Variants in ISM1 observed in about 807,000 individuals in gnomAD.
ISM1 encodes the protein isthmin-1.
ISM1 carries 25 observed loss-of-function variants against 46.3 expected under a neutral mutation model. The observed-to-expected ratio is 0.54, with a 90% CI of 0.39 to 0.75. ISM1 has a LOEUF of 0.75. ISM1 is among the 30% of genes least tolerant of loss of function. The pLI is 0.00. For synonymous variants in ISM1, 255 were observed against 256.7 expected, an observed-to-expected ratio of 0.99 and a Z score of 0.06; for missense variants, 536 against 625.4, an observed-to-expected ratio of 0.86 and a Z score of 1.52.
At chr20:13,222,898 C>T (rs539719301) in intron 1 of ISM1, among the ~76,000 whole-genome samples, 1 of 152,188 alleles carries the variant, frequency 6.6e-6, no homozygotes, top group Non-Finnish European at 1.5e-5. Flanking sequence ...CGCGGTGGCT[C>T]ACGCCTGTGA....
intron 1 of ISM1, among the ~76,000 whole-genome samples, chr20:13,224,951 T>G (rs2039499842): frequency 6.6e-6 from 1 of 150,474 alleles, no homozygotes; most frequent in Non-Finnish European, 1.5e-5. Flanking sequence ...GTTCATGCCA[T>G]TCTCCTGCCT....
the ISM1 span, among the ~76,000 whole-genome samples, chr20:13,325,871 G>A: frequency 6.6e-6 from 1 of 151,988 alleles, no homozygotes; most frequent in African/African-American, 2.4e-5. Flanking sequence ...TTTCAAAATG[G>A]AGGTTTCCTT....
Position 13,300,622 on chromosome 20 carries a change from G to A in ISM1, c.*1163G>A, listed in dbSNP as rs1313257341. The stretch of plus-strand genomic sequence containing the variant: ...TACTTTGCAAAATTCTAGTAAAAGA[G>A]AGTATATAATAAAATCATAATAAAA... On this transcript the variant is annotated 3_prime_UTR_variant, in exon 6 of 6. Transcript: ENST00000262487. The A allele has an allele frequency of 6.6e-6, 1 of 152,180 alleles. No homozygotes were observed. Among genetic ancestry groups the A allele is most frequent in the Non-Finnish European group, 1.5e-5 (1 of 68,038 alleles). The allele number at this position is 152,180 out of a possible 1,614,324, so 9.4% of individuals were successfully genotyped here. A position where few individuals can be genotyped will look rare whatever the true frequency, so the allele number is the denominator to read the frequency against.
chr20:13,297,320 C>T (rs770304785), intron 5 of ISM1, among the ~76,000 whole-genome samples: 3 of 152,180 alleles, frequency 2.0e-5, no homozygotes, highest in African/African-American at 4.8e-5. Flanking sequence ...GTTCTCTATG[C>T]GGTTTCCCAG....
chr20:13,265,433 C>T (rs760107417), intron 1 of ISM1, among the ~76,000 whole-genome samples: 18 of 152,142 alleles, frequency 1.2e-4, no homozygotes, highest in Non-Finnish European at 2.1e-4. Context: ...ATTCAGTGTA[C>T]ATCAGTCAAG....
chr20:13,273,215 T>TTTTA (rs1555813221), intron 2 of ISM1, among the ~76,000 whole-genome samples: 1 of 130,628 alleles, frequency 7.7e-6, no homozygotes, highest in Non-Finnish European at 1.6e-5. Context: ...ACTTGGGTCT[T>TTTTA]TTTTATTTTA....
At chr20:13,310,039 C>T in the ISM1 span, among the ~76,000 whole-genome samples, 3 of 152,108 alleles carry the variant, frequency 2.0e-5, no homozygotes, top group African/African-American at 7.2e-5. Flanking sequence ...AAATTCGATG[C>T]AATCCCTAAC....
chr20:13,252,845 CTT>C (rs1451272660), intron 1 of ISM1, among the ~76,000 whole-genome samples: 3 of 152,318 alleles, frequency 2.0e-5, no homozygotes, highest in Middle Eastern at 3.4e-3. Context: ...TCCACTCTCT[CTT>C]GTCTCTCACC....
chr20:13,289,123 A>T (rs2040325842), intron 4 of ISM1, among the ~76,000 whole-genome samples: 1 of 152,186 alleles, frequency 6.6e-6, no homozygotes, highest in Non-Finnish European at 1.5e-5. Flanking sequence ...GAGTCAGGAG[A>T]TAATTGATGA....
At chr20:13,229,991 AT>A (rs1272044170) in intron 1 of ISM1, among the ~76,000 whole-genome samples, 1 of 152,170 alleles carries the variant, frequency 6.6e-6, no homozygotes, top group Non-Finnish European at 1.5e-5. Context: ...CTATTTCTTA[AT>A]TTTATTTTCC....
chr20:13,233,599 A>C (rs2039615211), intron 1 of ISM1, among the ~76,000 whole-genome samples: 1 of 150,926 alleles, frequency 6.6e-6, no homozygotes, highest in Non-Finnish European at 1.5e-5. Flanking sequence ...CCATCTCAAA[A>C]AAAAAAAAAA....
At chr20:13,225,719 A>T (rs990440405) in intron 1 of ISM1, among the ~76,000 whole-genome samples, 15 of 152,124 alleles carry the variant, frequency 9.9e-5, no homozygotes, top group African/African-American at 3.6e-4. Context: ...AAATGAGAAA[A>T]CTATCTGCAG....
intron 1 of ISM1, among the ~76,000 whole-genome samples, chr20:13,253,739 A>C (rs1416329961): frequency 1.3e-5 from 2 of 152,266 alleles, no homozygotes; most frequent in East Asian, 3.9e-4. Context: ...ACATGAATTA[A>C]ATTAATAACT....
At chr20:13,230,909 G>T (rs539979827) in intron 1 of ISM1, among the ~76,000 whole-genome samples, 11 of 152,270 alleles carry the variant, frequency 7.2e-5, no homozygotes, top group African/African-American at 2.4e-4. Context: ...ATCAAGTCCA[G>T]TGCTGACAAA....
chr20:13,231,797 G>A (rs933539335), intron 1 of ISM1, among the ~76,000 whole-genome samples: 1 of 152,112 alleles, frequency 6.6e-6, no homozygotes, highest in Non-Finnish European at 1.5e-5. Context: ...CTTCAAGTTT[G>A]GGTCTCTGAG....
chr20:13,293,423 T>C (rs139141400), intron 5 of ISM1, among the ~76,000 whole-genome samples: 83 of 152,228 alleles, frequency 5.5e-4, no homozygotes, highest in Non-Finnish European at 1.0e-3. Flanking sequence ...CTGTCCCATA[T>C]CTTTTAGCTA....
intron 2 of ISM1, among the ~76,000 whole-genome samples, chr20:13,271,473 G>C (rs1247992742): frequency 6.6e-6 from 1 of 152,114 alleles, no homozygotes; most frequent in Non-Finnish European, 1.5e-5. Flanking sequence ...GATCGGATTT[G>C]ACCCTCCCAA....
chr20:13,224,293 C>A (rs1485890679), intron 1 of ISM1, among the ~76,000 whole-genome samples: 1 of 152,158 alleles, frequency 6.6e-6, no homozygotes, highest in African/African-American at 2.4e-5. Context: ...AAAGTTATTT[C>A]TTTGGCCCTC....
chr20:13,221,412 G>C lies in ISM1; in HGVS notation c.-365G>C, dbSNP rs1269098696. ...CCGACCCCGCAGCCCCCTGCCAGCA[G>C]GGTGGCCTCCGGCCCGGCCCGGGTC... On this transcript the variant is annotated 5_prime_UTR_variant, in exon 1 of 6. Coordinates refer to ENST00000262487, the MANE Select transcript of ISM1 (RefSeq NM_080826.2). 6.9e-6 allele frequency among the ~76,000 whole-genome samples: 1 copy of C among 144,118 alleles called. No individual in the cohort carries two copies. Among genetic ancestry groups the C allele is most frequent in the East Asian group, 2.0e-4 (1 of 4,938 alleles). 94.5% of individuals were successfully genotyped at this position (144,118 alleles called of 152,430 possible).
Sources: allele counts gnomAD v4.1 joint callset (sites outside exome capture counted in the v4.1 genomes callset), GRCh38; gene constraint gnomAD v4.1.1; transcripts MANE v1.5; gene names NCBI Gene and HGNC (gene_info 2026-07-23, HGNC 2026-07-21).